Variants in NAALADL2 observed in about 807,000 individuals in gnomAD.
NAALADL2 encodes the protein inactive N-acetylated-alpha-linked acidic dipeptidase-like protein 2.
Under a neutral mutation model 87.2 loss-of-function variants are expected in NAALADL2, and 76 were observed. The observed-to-expected ratio is 0.87, with a 90% CI of 0.72 to 1.05. NAALADL2 has a LOEUF of 1.05. Among genes scored for constraint, NAALADL2 ranks in the 50% least tolerant of loss-of-function variants. NAALADL2 has a pLI of 0.00. For missense variants in NAALADL2, 1,089 were observed against 945.8 expected, an observed-to-expected ratio of 1.15 and a Z score of -1.99; for synonymous variants, 354 against 331.0, an observed-to-expected ratio of 1.07 and a Z score of -0.75.
intron 6 of NAALADL2, among the ~76,000 whole-genome samples, chr3:175,456,267 A>G (rs1024363392): frequency 1.3e-5 from 2 of 152,058 alleles, no homozygotes; most frequent in African/African-American, 4.8e-5. Flanking sequence ...TAAGGGATAG[A>G]GAGAGGCAGC....
chr3:175,600,525 CTTTTTTT>C (rs869212429), intron 10 of NAALADL2, among the ~76,000 whole-genome samples: 11 of 61,066 alleles, frequency 1.8e-4, no homozygotes, highest in African/African-American at 4.9e-4. Flanking sequence ...GTGTCTTAGT[CTTTTTTT>C]TTTTTTTTTT....
intron 2 of NAALADL2, among the ~76,000 whole-genome samples, chr3:174,720,391 A>G (rs1731593892): frequency 6.6e-6 from 1 of 152,148 alleles, no homozygotes; most frequent in African/African-American, 2.4e-5. Context: ...TTGCATAATG[A>G]TAGGTAATCT....
intron 1 of NAALADL2, among the ~76,000 whole-genome samples, chr3:174,953,342 T>G (rs1348215590): frequency 1.7e-5 from 1 of 57,530 alleles, no homozygotes. Context: ...TCCCCTCCCC[T>G]CCCCTCCTCT....
rs1179118417 is a variant in NAALADL2 at position 175,093,416 on chromosome 3, T to TTA, written c.44-3358_44-3357dup. Reference sequence around the variant, plus strand: ...TTTTTGTTGAGTTCATTTTATTTTTTTATATATATATATATATGTTTTAAG... The same window carrying TTA: ...TTTTTGTTGAGTTCATTTTATTTTTTTATATATATATATATATATGTTTTAAG... On this transcript the variant is annotated intron_variant, in intron 1 of 13. Transcript: ENST00000454872. Among the ~76,000 whole-genome samples, 1,124 of 139,498 alleles carry TTA rather than the reference T, an allele frequency of 8.1e-3. 7 individuals carry two copies. The highest frequency in any genetic ancestry group is 1.0e-2 in the Admixed American group (140 of 14,014). The allele number at this position is 139,498 out of a possible 152,430, so 91.5% of individuals were successfully genotyped here.
chr3:175,239,905 G>A (rs1449225619), intron 3 of NAALADL2, among the ~76,000 whole-genome samples: 2 of 152,142 alleles, frequency 1.3e-5, no homozygotes, highest in Non-Finnish European at 2.9e-5. Flanking sequence ...CTGACAGTTA[G>A]TACTCTATCA....
At chr3:174,896,656 G>T (rs1045296051) in intron 1 of NAALADL2, among the ~76,000 whole-genome samples, 7 of 152,088 alleles carry the variant, frequency 4.6e-5, no homozygotes, top group Admixed American at 4.6e-4. Flanking sequence ...CACAGAAATA[G>T]ACAAAACAAT....
rs180687529 is a variant in NAALADL2 at position 175,724,643 on chromosome 3, A to G, written c.1897-12663A>G. On this transcript the variant is annotated intron_variant, in intron 11 of 13. Coordinates refer to ENST00000454872, the MANE Select transcript of NAALADL2 (RefSeq NM_207015.3). ...ACTTATATTTTGACCATCATTTAAA[A>G]TCTCACTAGGTAGAAGCAGCAAGTT... 1.1e-3 allele frequency among the ~76,000 whole-genome samples: 169 copies of G among 152,224 alleles called. 1 individual carries two copies. Among genetic ancestry groups the G allele is most frequent in the African/African-American group, 3.9e-3 (163 of 41,570 alleles).
At chr3:174,723,756 A>G (rs1179482576) in intron 2 of NAALADL2, among the ~76,000 whole-genome samples, 1 of 60,348 alleles carries the variant, frequency 1.7e-5, no homozygotes, top group Non-Finnish European at 4.0e-5. Context: ...ACTCCGTCTC[A>G]AAAAAAAAAA....
chr3:174,782,212 C>T (rs1716073477), intron 3 of NAALADL2, among the ~76,000 whole-genome samples: 1 of 152,186 alleles, frequency 6.6e-6, no homozygotes. Context: ...AACACTGCCC[C>T]TCACTGAGTA....
At chr3:175,761,827 G>A (rs778366529) in intron 13 of NAALADL2, among the ~76,000 whole-genome samples, 4 of 152,032 alleles carry the variant, frequency 2.6e-5, no homozygotes, top group East Asian at 1.9e-4. Context: ...CAGCTCTTTC[G>A]CCCATTTTTA....
intron 1 of NAALADL2, among the ~76,000 whole-genome samples, chr3:175,039,371 T>C (rs964861721): frequency 1.3e-5 from 2 of 152,122 alleles, no homozygotes; most frequent in Non-Finnish European, 2.9e-5. Flanking sequence ...TTTTACCATA[T>C]TGGCCAGGCT....
chr3:175,307,777 G>C (rs1007353095), intron 4 of NAALADL2, among the ~76,000 whole-genome samples: 6 of 152,078 alleles, frequency 3.9e-5, no homozygotes, highest in African/African-American at 1.2e-4. Flanking sequence ...TTTGTATTAA[G>C]TTTCTGAAAT....
At chr3:175,089,143 CAT>C (rs1274722730) in intron 1 of NAALADL2, among the ~76,000 whole-genome samples, 1 of 152,166 alleles carries the variant, frequency 6.6e-6, no homozygotes. Context: ...TGCCAGGAAA[CAT>C]AGCCTGCCAG....
chr3:175,159,625 G>T (rs1447736407), intron 2 of NAALADL2, among the ~76,000 whole-genome samples: 1 of 152,148 alleles, frequency 6.6e-6, no homozygotes, highest in Non-Finnish European at 1.5e-5. Context: ...TTTATAGGTA[G>T]TTCAAAGCTG....
At chr3:175,798,810 C>T (rs952950111) in intron 13 of NAALADL2, among the ~76,000 whole-genome samples, 1 of 151,970 alleles carries the variant, frequency 6.6e-6, no homozygotes, top group African/African-American at 2.4e-5. Context: ...ATGTGAATTG[C>T]CATCACAGGA....
At chr3:175,320,650 C>A (rs1295599459) in intron 4 of NAALADL2, among the ~76,000 whole-genome samples, 1 of 152,150 alleles carries the variant, frequency 6.6e-6, no homozygotes, top group East Asian at 1.9e-4. Context: ...CAGGTGATTT[C>A]TGCTTTAGGG....
rs71164650 is a variant in NAALADL2, at chr3:175,737,714, G to GTTTTTTTTTTTTTTTTTT, written c.1990+328_1990+345dup. ...TAGAATAATACAGTTCAATGATCCA[G>GTTTTTTTTTTTTTTTTTT]TTTTTTTTTTTTTTTTTTTTTTTTT... On this transcript the variant is annotated intron_variant, in intron 12 of 13. Transcript: ENST00000454872. Among the ~76,000 whole-genome samples the GTTTTTTTTTTTTTTTTTT allele has an allele frequency of 9.1e-5, 5 of 54,758 alleles. 1 individual carries two copies. Among genetic ancestry groups the GTTTTTTTTTTTTTTTTTT allele is most frequent in the African/African-American group, 3.3e-4 (4 of 12,158 alleles). 35.9% of individuals were successfully genotyped at this position (54,758 alleles called of 152,430 possible). A position where few individuals can be genotyped will look rare whatever the true frequency, so the allele number is the denominator to read the frequency against.
rs760522197 is a variant in NAALADL2, at chr3:174,476,941, A to T, written c.-184+35909A>T. ...TAAGGGAAGTGCGAAAGATTCAGGG[A>T]CTAGACATTTTTTGAGGTAGGTCTC... is the stretch of plus-strand genomic sequence containing the variant. On this transcript the variant is annotated intron_variant, in intron 1 of 3. Coordinates refer to the NAALADL2 transcript ENST00000434257. Among the ~76,000 whole-genome samples the T allele has an allele frequency of 4.6e-4, 70 of 152,148 alleles. 1 individual carries two copies. Among genetic ancestry groups the T allele is most frequent in the Non-Finnish European group, 9.3e-4 (63 of 67,964 alleles).
Position 174,708,497 on chromosome 3 carries a change from T to G in NAALADL2, c.-114-29144T>G, listed in dbSNP as rs562641120. ...TAAATTTAAATCTGTAAAGCTGATC[T>G]TCTGAGAAATTTCAGTAATTCGTTA... On this transcript the variant is annotated intron_variant, in intron 2 of 3. Transcript: ENST00000434257. 2.0e-5 allele frequency among the ~76,000 whole-genome samples: 3 copies of G among 152,304 alleles called. No individual in the cohort carries two copies. The East Asian group carries it at 5.8e-4, about 29-fold the overall frequency.
Sources: gnomAD v4.1 joint callset for allele counts (sites outside exome capture counted in the v4.1 genomes callset) on GRCh38, gnomAD v4.1.1 for gene constraint, MANE v1.5 for transcripts, NCBI Gene and HGNC (gene_info 2026-07-23, HGNC 2026-07-21) for gene names.